CUX1: variants seen among roughly 807,000 people sequenced by gnomAD.
CUX1 encodes cut like homeobox 1.
A neutral mutation model predicts 158.8 loss-of-function variants in CUX1; 31 were observed. The observed-to-expected ratio is 0.20, with a 90% CI of 0.15 to 0.26. The LOEUF (loss-of-function observed/expected upper bound fraction) is 0.26. Among genes scored for constraint, CUX1 ranks in the 10% least tolerant of loss-of-function variants. The probability of loss-of-function intolerance (pLI) is 1.00; values close to 1 mark genes in which losing one functional copy is unlikely to be tolerated. For missense variants in CUX1, 1,589 were observed against 2,014.6 expected (o/e 0.79, Z 4.04); for synonymous variants, 879 against 862.1 (o/e 1.02, Z -0.34).
intron 2 of CUX1, among the ~76,000 whole-genome samples, chr7:101,925,871 G>A (rs944509319): frequency 8.5e-5 from 13 of 152,098 alleles, no homozygotes; most frequent in African/African-American, 3.1e-4. Flanking sequence ...AGGAGATTGA[G>A]GCTTCAGTGA....
chr7:102,226,912 C>T (rs555163556), intron 20 of CUX1, among the ~76,000 whole-genome samples: 1 of 152,316 alleles, frequency 6.6e-6, no homozygotes, highest in Admixed American at 6.5e-5. Context: ...GTCTTCCTAA[C>T]TGTGGTGACT....
intron 8 of CUX1, among the ~76,000 whole-genome samples, chr7:102,155,439 T>C (rs1554504929): frequency 3.3e-5 from 5 of 151,248 alleles, no homozygotes. Flanking sequence ...CCAGCTACTC[T>C]GGAGGCTGAA....
intron 1 of CUX1, among the ~76,000 whole-genome samples, chr7:101,857,922 A>C (rs1221769066): frequency 1.3e-5 from 2 of 152,174 alleles, no homozygotes; most frequent in Non-Finnish European, 2.9e-5. Context: ...CAGGAGTTCA[A>C]GACCAGCCTG....
At chr7:101,905,016 T>C (rs1004481294) in intron 1 of CUX1, among the ~76,000 whole-genome samples, 4 of 152,202 alleles carry the variant, frequency 2.6e-5, no homozygotes, top group South Asian at 4.1e-4. Flanking sequence ...CTATGAAGTA[T>C]GTATCAGAGG....
chr7:102,283,303 T>C, exon 23 of CUX1: 2 of 557,596 alleles, frequency 3.6e-6, no homozygotes, highest in East Asian at 3.0e-5. Context: ...GAGCCCCCAA[T>C]GCCCGGCCAG....
rs923943360 is a variant in CUX1 at position 101,876,671 on chromosome 7, G to A, written c.31-39444G>A. Among the ~76,000 whole-genome samples, 8 of 151,332 alleles carry A rather than the reference G, an allele frequency of 5.3e-5. No homozygotes were observed. The East Asian group carries it at 1.2e-3, about 22-fold the overall frequency. On this transcript the variant is annotated intron_variant, in intron 1 of 23. Transcript: ENST00000292535. Reference sequence around the variant, plus strand: ...GATCGGGCCACTGTGCTCTGACCTGGCAACATAGCAAAACTCCGTCTAAAA... The same window carrying A: ...GATCGGGCCACTGTGCTCTGACCTGACAACATAGCAAAACTCCGTCTAAAA...
intron 2 of CUX1, among the ~76,000 whole-genome samples, chr7:101,923,920 G>A (rs572921984): frequency 6.6e-6 from 1 of 152,170 alleles, no homozygotes; most frequent in African/African-American, 2.4e-5. Flanking sequence ...CCGGCCTGGC[G>A]CATTTCTCTG....
At chr7:101,890,905 G>A (rs949471501) in intron 1 of CUX1, among the ~76,000 whole-genome samples, 2 of 151,780 alleles carry the variant, frequency 1.3e-5, no homozygotes, top group African/African-American at 4.8e-5. Context: ...TTAGGCTGTT[G>A]TTTGGTGCTT....
At chr7:102,045,760 T>C (rs1264925314) in intron 3 of CUX1, among the ~76,000 whole-genome samples, 1 of 152,254 alleles carries the variant, frequency 6.6e-6, no homozygotes, top group Non-Finnish European at 1.5e-5. Context: ...TTTCAGTGGA[T>C]AATTATTTTT....
At chr7:101,884,526 G>A (rs1800029543) in intron 1 of CUX1, among the ~76,000 whole-genome samples, 1 of 152,184 alleles carries the variant, frequency 6.6e-6, no homozygotes, top group African/African-American at 2.4e-5. Flanking sequence ...CCCCGTGTGA[G>A]GTGGGTGGGT....
At chr7:101,821,671 C>CTTTTTTCTTTTTTTTTT (rs1792578785) in intron 1 of CUX1, among the ~76,000 whole-genome samples, 1 of 51,302 alleles carries the variant, frequency 1.9e-5, no homozygotes, top group Non-Finnish European at 3.3e-5. Context: ...TTTCTTTTTT[C>CTTTTTTCTTTTTTTTTT]TTTTTTTTTT....
At chr7:102,029,007 T>TTTTTG (rs1820395310) in intron 3 of CUX1, among the ~76,000 whole-genome samples, 1 of 150,190 alleles carries the variant, frequency 6.7e-6, no homozygotes, top group Non-Finnish European at 1.5e-5. Flanking sequence ...TTTTTTTTTT[T>TTTTTG]TTGGCGACAG....
At chr7:102,057,171 G>T (rs551095869) in intron 3 of CUX1, among the ~76,000 whole-genome samples, 7 of 152,298 alleles carry the variant, frequency 4.6e-5, no homozygotes, top group African/African-American at 1.4e-4. Flanking sequence ...AAAGTGCTGG[G>T]ATTACAGGCA....
chr7:102,239,384 C>A lies in CUX1; in HGVS notation c.3687C>A (p.Gly1229=). ...AGCCCTGCGAACCGCCCTCTGTCGG[C>A]ACCGAGTACAGCCAGGGCGCCAGCC... is the stretch of plus-strand genomic sequence containing the variant. The part of the protein sequence containing the change: ...DSQPCEPPSV[G]TEYSQGASPQ... The change falls in exon 23 of 24, where the codon GGC becomes GGA. Residue 1229 remains glycine (G), a synonymous_variant. Transcript: ENST00000292535. 1.2e-6 allele frequency: 2 copies of A among 1,613,260 alleles called. No homozygotes were observed. The highest frequency in any genetic ancestry group is 2.2e-5 in the South Asian group (2 of 91,086).
At chr7:101,994,973 A>G (rs1815656351) in intron 2 of CUX1, among the ~76,000 whole-genome samples, 1 of 151,346 alleles carries the variant, frequency 6.6e-6, no homozygotes, top group Non-Finnish European at 1.5e-5. Context: ...GGCACATGCC[A>G]TTAGTGTCAG....
At chr7:102,280,292 C>G (rs782712708) in intron 19 of CUX1, among the ~76,000 whole-genome samples, 91 of 152,268 alleles carry the variant, frequency 6.0e-4, no homozygotes, top group Middle Eastern at 3.4e-3. Context: ...CCTGCACACC[C>G]TGGCCCCTCA....
Position 102,256,178 on chromosome 7 carries a change from A to G in CUX1, c.*7136A>G. On this transcript the variant is annotated 3_prime_UTR_variant, in exon 24 of 24. Transcript: ENST00000292535. The stretch of plus-strand genomic sequence containing the variant: ...GCAGGATAGGGAGTATCCGTGATTC[A>G]GAAGCTGAGACCCTTCCCCAGTGTC... 1 of 985,480 alleles carries G rather than the reference A, an allele frequency of 1.0e-6. No homozygotes were observed. Among genetic ancestry groups the G allele is most frequent in the East Asian group, 1.1e-4 (1 of 8,820 alleles). 61.0% of individuals were successfully genotyped at this position (985,480 alleles called of 1,614,324 possible). A position where few individuals can be genotyped will look rare whatever the true frequency, so the allele number is the denominator to read the frequency against.
intron 2 of CUX1, among the ~76,000 whole-genome samples, chr7:101,919,210 G>GT (rs199513086): frequency 4.0e-5 from 6 of 148,988 alleles, no homozygotes; most frequent in East Asian, 1.9e-4. Flanking sequence ...GTGTGTGTGT[G>GT]GGGGGGGAGC....
chr7:101,927,760 A>G (rs2129108036), intron 2 of CUX1, among the ~76,000 whole-genome samples: 1 of 152,348 alleles, frequency 6.6e-6, no homozygotes, highest in South Asian at 2.1e-4. Flanking sequence ...ATTCTTAGGT[A>G]ATTCTTCGGT....
Sources: allele counts gnomAD v4.1 joint callset (sites outside exome capture counted in the v4.1 genomes callset), GRCh38; gene constraint gnomAD v4.1.1; transcripts MANE v1.5; gene names NCBI Gene and HGNC (gene_info 2026-07-23, HGNC 2026-07-21).